Variants in ARAP3 observed in about 807,000 individuals in gnomAD.
ARAP3 encodes ArfGAP with RhoGAP domain, ankyrin repeat and PH domain 3.
A neutral mutation model predicts 169.2 loss-of-function variants in ARAP3; 82 were observed. The observed-to-expected ratio is 0.48, with a 90% confidence interval of 0.41 to 0.58. ARAP3 has a LOEUF of 0.58. Among genes scored for constraint, ARAP3 ranks in the 20% least tolerant of loss-of-function variants. The probability of loss-of-function intolerance (pLI) is 0.00; values close to 1 mark genes in which losing one functional copy is unlikely to be tolerated. For synonymous variants in ARAP3, 791 were observed against 800.3 expected, an observed-to-expected ratio of 0.99 and a Z score of 0.20; for missense variants, 1,764 against 2,018.0, an observed-to-expected ratio of 0.87 and a Z score of 2.41.
Position 141,672,238 on chromosome 5 carries a change from G to C in ARAP3, c.1449C>G (p.Thr483=), listed in dbSNP as rs755544930. 4 of 1,614,192 alleles carry C rather than the reference G, an allele frequency of 2.5e-6. No individual in the cohort carries two copies. The highest frequency in any genetic ancestry group is 1.1e-5 in the South Asian group (1 of 91,080). Residue 483 remains threonine (T), a synonymous_variant, in exon 10 of 33, where the codon ACC becomes ACG. Transcript: ENST00000239440. The surrounding 1 kb of genome is among the most constrained non-coding windows in gnomAD (Gnocchi z 4.9). Reference sequence around the variant, plus strand: ...CCACCTCGTAGTCAGACAGGGTCTCGGTTACTGCTTCCTGCAGAGCGGCCG... The same window carrying C: ...CCACCTCGTAGTCAGACAGGGTCTCCGTTACTGCTTCCTGCAGAGCGGCCG... ...SWAAALQEAV[T]ETLSDYEVAE... is the part of the protein sequence containing the mutation.
Position 141,671,215 on chromosome 5 carries a change from T to G in ARAP3, c.1990+50A>C. ...CCCTTGGAAGAACTGAATCATAGGT[T>G]GGGTCTGAGAATTCCTGTAGGGGAG... On this transcript the variant is annotated intron_variant, in intron 13 of 32. Coordinates refer to ENST00000239440, the MANE Select transcript of ARAP3 (RefSeq NM_022481.6). This position sits in a 1 kb window ranked among gnomAD's most constrained non-coding sequence, Gnocchi z 4.9. 1 of 1,545,382 alleles carries G rather than the reference T, an allele frequency of 6.5e-7. No individual in the cohort carries two copies. Among genetic ancestry groups the G allele is most frequent in the Non-Finnish European group, 8.7e-7 (1 of 1,144,786 alleles).
Position 141,659,936 on chromosome 5 carries a change from G to A in ARAP3, c.3120-10C>T. 1.3e-6 allele frequency: 2 copies of A among 1,547,736 alleles called. No individual in the cohort carries two copies. Among genetic ancestry groups the A allele is most frequent in the South Asian group, 1.2e-5 (1 of 84,228 alleles). ...CGCACATTTCTGCACCCTGCAGAGG[G>A]GTGCCACGGTCTTCATCAGTGTAGC... On this transcript the variant is annotated splice_polypyrimidine_tract_variant and intron_variant, in intron 21 of 32. Coordinates refer to ENST00000239440, the MANE Select transcript of ARAP3 (RefSeq NM_022481.6).
chr5:141,655,258 A>ACACACAC (rs1491503001), intron 32 of ARAP3, 104 bp downstream of exon 32: 39 of 1,109,418 alleles, frequency 3.5e-5, no homozygotes, highest in African/African-American at 1.3e-4. Flanking sequence ...ACACACACAC[A>ACACACAC]CCCCCTGATG....
chr5:141,666,531 G>A lies in ARAP3; in HGVS notation c.2465C>T (p.Ser822Leu). The A allele has an allele frequency of 6.2e-7, 1 of 1,600,376 alleles. No homozygotes were observed. Among genetic ancestry groups the A allele is most frequent in the Non-Finnish European group, 8.5e-7 (1 of 1,173,950 alleles). ...GTCACCACGAAGGAGGCCAAACCCT[G>A]ACAGCCAGAGACCAGGGGCCGGGGC... is the stretch of plus-strand genomic sequence containing the variant. The part of the protein sequence containing the change: ...HTAPAPGLWL[S>L]GFGLLRGDHL... The change falls in exon 17 of 33, where the codon TCA (serine) becomes TTA (leucine). Residue 822 changes from serine (S) to leucine (L), a missense_variant. Coordinates refer to ENST00000239440, the MANE Select transcript of ARAP3 (RefSeq NM_022481.6).
Position 141,680,153 on chromosome 5 carries a change from G to A in ARAP3, c.334C>T (p.Gln112Ter). Residue 112 changes from glutamine (Q) to a stop codon, truncating the protein, a stop_gained, in exon 2 of 33, where the codon CAG (glutamine) becomes TAG (stop). Transcript: ENST00000239440. LOFTEE classifies it high-confidence loss of function. The part of the protein sequence containing the change: ...FGGLSGPATT[Q>*]RPGLSPALGG... ...AGGGCTGGGCTCAGCCCAGGTCTCT[G>A]AGTGGTGGCAGGGCCACTGAGTCCA... 6.2e-7 allele frequency: 1 copy of A among 1,608,262 alleles called. No homozygotes were observed. Among genetic ancestry groups the A allele is most frequent in the Non-Finnish European group, 8.5e-7 (1 of 1,176,094 alleles).
chr5:141,670,639 A>T lies in ARAP3; in HGVS notation c.1991-11T>A. 1 of 1,611,542 alleles carries T rather than the reference A, an allele frequency of 6.2e-7. No individual in the cohort carries two copies. The highest frequency in any genetic ancestry group is 2.2e-5 in the East Asian group (1 of 44,798). On this transcript the variant is annotated splice_polypyrimidine_tract_variant and intron_variant, in intron 13 of 32. Coordinates refer to ENST00000239440, the MANE Select transcript of ARAP3 (RefSeq NM_022481.6). The stretch of plus-strand genomic sequence containing the variant: ...CACCAGGGGAGGGGTCTGCAAGGGG[A>T]AGGGGAAGTAGTCAGGTCAACCAAG...
At chr5:141,661,890 T>C (rs2099910024) in intron 20 of ARAP3, 101 bp from the exon 21 acceptor site, 1 of 1,480,386 alleles carries the variant, frequency 6.8e-7, no homozygotes, top group South Asian at 1.2e-5. Flanking sequence ...GATGGATGTG[T>C]CTCTGCCCCC....
chr5:141,680,007 G>A lies in ARAP3; in HGVS notation c.480C>T (p.Tyr160=), dbSNP rs750850961. Residue 160 remains tyrosine (Y), a synonymous_variant, in exon 2 of 33, where the codon TAC becomes TAT. Coordinates refer to ENST00000239440, the MANE Select transcript of ARAP3 (RefSeq NM_022481.6). Reference sequence around the variant, plus strand: ...CCCTGCCTCTTGAGTCCAGGCCGAAGTAGATGGAATTAGGCATCATCTCCA... The same window carrying A: ...CCCTGCCTCTTGAGTCCAGGCCGAAATAGATGGAATTAGGCATCATCTCCA... The part of the protein sequence containing the change: ...NTVEMMPNSI[Y]FGLDSRGRAQ... The A allele has an allele frequency of 6.2e-7, 1 of 1,614,204 alleles. No homozygotes were observed. The highest frequency in any genetic ancestry group is 1.3e-5 in the African/African-American group (1 of 75,062).
rs571556207 is a variant in ARAP3, at chr5:141,673,556, C to G, written c.902+49G>C. 1.3e-4 allele frequency: 214 copies of G among 1,612,424 alleles called. No homozygotes were observed. In the South Asian group the frequency reaches 2.2e-3, roughly 16 times the overall value. ...GGTCTGGGGGCACTTTCCCGCGCAA[C>G]CACCTCCCAGCCTCTCTTTTCTCCC... On this transcript the variant is annotated intron_variant, in intron 5 of 32. Coordinates refer to ENST00000239440, the MANE Select transcript of ARAP3 (RefSeq NM_022481.6).
At position 141,673,392 on chromosome 5, in the gene ARAP3, GC is replaced by G; in HGVS notation, c.972+8del. On this transcript the variant is annotated splice_region_variant and intron_variant, in intron 6 of 32. Coordinates refer to ENST00000239440, the MANE Select transcript of ARAP3 (RefSeq NM_022481.6). ...CATCTCCATATCGTCACATCTCCCA[GC>G]CCCCCACCTTGTCACTGCCAAAGTA... The G allele has an allele frequency of 6.2e-7, 1 of 1,613,664 alleles. No individual in the cohort carries two copies.
At chr5:141,669,339 A>C (rs1487905146) in intron 16 of ARAP3, among the ~76,000 whole-genome samples, 1 of 152,158 alleles carries the variant, frequency 6.6e-6, no homozygotes, top group Non-Finnish European at 1.5e-5. Flanking sequence ...GGTAGTGGGA[A>C]TCAGAGCCAG....
chr5:141,680,229 G>T lies in ARAP3; in HGVS notation c.258C>A (p.Ala86=). The T allele has an allele frequency of 6.2e-7, 1 of 1,613,860 alleles. No individual in the cohort carries two copies. Among genetic ancestry groups the T allele is most frequent in the South Asian group, 1.1e-5 (1 of 91,060 alleles). The change falls in exon 2 of 33, where the codon GCC becomes GCA. Residue 86 remains alanine (A), a synonymous_variant. Transcript: ENST00000239440. ...CGGGCTTAGGGGGCTGGGCTTGCGG[G>T]GCTGGGCTGGGGGATGGTTCCATGG... ...DSAMEPSPSP[A]PQAQPPKPVP...
intron 16 of ARAP3, among the ~76,000 whole-genome samples, chr5:141,669,217 T>C (rs1450586541): frequency 1.3e-5 from 2 of 152,086 alleles, no homozygotes; most frequent in East Asian, 1.9e-4. Flanking sequence ...GAATTTTCAG[T>C]TTTGGGAATG....
intron 19 of ARAP3, 127 bp from the exon 20 acceptor site, chr5:141,662,382 T>C: frequency 1.2e-6 from 1 of 842,326 alleles, no homozygotes; most frequent in Non-Finnish European, 1.9e-6. Flanking sequence ...GGAGGAGATC[T>C]ATGCCTCCAT....
chr5:141,660,908 C>T lies in ARAP3; in HGVS notation c.3119+776G>A, dbSNP rs555883586. 2.6e-5 allele frequency among the ~76,000 whole-genome samples: 4 copies of T among 152,282 alleles called. No individual in the cohort carries two copies. The South Asian group carries it at 8.3e-4, about 32-fold the overall frequency. Reference sequence around the variant, plus strand: ...TTATTCATTTTTGTGTTTCTTATATCTAACCCTTTCCCTGACATCGCATAA... The same window carrying T: ...TTATTCATTTTTGTGTTTCTTATATTTAACCCTTTCCCTGACATCGCATAA... On this transcript the variant is annotated intron_variant, in intron 21 of 32. Transcript: ENST00000239440.
At chr5:141,674,066 C>T (rs1279337937) in intron 4 of ARAP3, among the ~76,000 whole-genome samples, 2 of 148,132 alleles carry the variant, frequency 1.4e-5, no homozygotes, top group African/African-American at 2.5e-5. Flanking sequence ...CGGGTTCAAG[C>T]GATTCTCCTG....
Position 141,661,695 on chromosome 5 carries a change from C to A in ARAP3, c.3108G>T (p.Gly1036=). The A allele has an allele frequency of 6.2e-7, 1 of 1,614,180 alleles. No homozygotes were observed. The highest frequency in any genetic ancestry group is 8.5e-7 in the Non-Finnish European group (1 of 1,180,018). Reference sequence around the variant, plus strand: ...CTAGCCATACTGACCGATAGAGATGCCCAATGAGGGTGGCCAGTGTGCGGC... The same window carrying A: ...CTAGCCATACTGACCGATAGAGATGACCAATGAGGGTGGCCAGTGTGCGGC... The part of the protein sequence containing the change: ...VNRRTLATLI[G]HLYRVQKCAA... Residue 1036 remains glycine (G), a synonymous_variant, in exon 21 of 33, where the codon GGG becomes GGT. Coordinates refer to ENST00000239440, the MANE Select transcript of ARAP3 (RefSeq NM_022481.6).
Position 141,656,832 on chromosome 5 carries a change from G to A in ARAP3, c.3541C>T (p.Pro1181Ser). The change falls in exon 26 of 33, where the codon CCC becomes TCC. Residue 1181 changes from proline (P) to serine (S), a missense_variant. Pro to Ser is a moderately conservative substitution (Grantham distance 74). Around this residue, in one of 3 missense-constraint regions of ARAP3, gnomAD observed 1,112 missense variants for 1,285.7 expected, o/e 0.86. Coordinates refer to ENST00000239440, the MANE Select transcript of ARAP3 (RefSeq NM_022481.6). Reference protein sequence around the residue: ...EHGELERPLHPKEKVLEQALQ... With the variant: ...EHGELERPLHSKEKVLEQALQ... ...GCCTGCTCTAAGACCTTTTCCTTGG[G>A]ATGCAGTGGCCGCTCTTAAGGGGAA... 6.2e-7 allele frequency: 1 copy of A among 1,613,314 alleles called. No homozygotes were observed. The highest frequency in any genetic ancestry group is 8.5e-7 in the Non-Finnish European group (1 of 1,179,654).
At chr5:141,668,609 T>C (rs1033044118) in intron 16 of ARAP3, among the ~76,000 whole-genome samples, 1 of 152,058 alleles carries the variant, frequency 6.6e-6, no homozygotes, top group Non-Finnish European at 1.5e-5. Context: ...TAGATAATAA[T>C]GAGAGGAGAC....
Sources: allele counts gnomAD v4.1 joint callset (sites outside exome capture counted in the v4.1 genomes callset), GRCh38; gene constraint gnomAD v4.1.1; regional missense constraint gnomAD v4.1.1; non-coding constraint Gnocchi (gnomAD v3.1); transcripts MANE v1.5; gene names NCBI Gene and HGNC (gene_info 2026-07-23, HGNC 2026-07-21).